The following MEAK7 variants were observed in gnomAD, a reference collection of about 807,000 sequenced individuals.
MEAK7 encodes MTOR-associated protein MEAK7.
MEAK7 carries 68 observed loss-of-function variants against 40.5 expected under a neutral mutation model. The ratio of observed to expected loss-of-function variants is 1.68; its 90% CI spans 1.38 to 2.06. The LOEUF (loss-of-function observed/expected upper bound fraction) is 2.06. Ranked by LOEUF, MEAK7 falls within the 30% of genes most tolerant of loss-of-function variation. The pLI, the probability that MEAK7 is intolerant of heterozygous loss-of-function variation, is 0.00. For missense variants in MEAK7, 918 were observed against 580.5 expected (o/e 1.58, Z -5.98); for synonymous variants, 338 against 231.9 (o/e 1.46, Z -4.16).
chr16:84,479,986 G>C lies in MEAK7; in HGVS notation c.1298C>G (p.Ala433Gly), dbSNP rs199525734. Reference sequence around the variant, plus strand: ...CCCACTGATCTCCAGCAGGGCCTGGGCCTCAGGGTCCGCATCCAGGATGCT... The same window carrying C: ...CCCACTGATCTCCAGCAGGGCCTGGCCCTCAGGGTCCGCATCCAGGATGCT... ...NKSILDADPE[A>G]QALLEISGHS... The change falls in exon 8 of 8, where the codon GCC (alanine) becomes GGC (glycine). Residue 433 changes from alanine (A) to glycine (G), a missense_variant. Physicochemically the swap from Ala to Gly is moderately conservative, Grantham distance 60 (BLOSUM62 0). Coordinates refer to ENST00000343629, the MANE Select transcript of MEAK7 (RefSeq NM_020947.4). 6.2e-7 allele frequency: 1 copy of C among 1,609,298 alleles called. No homozygotes were observed. The highest frequency in any genetic ancestry group is 1.3e-5 in the African/African-American group (1 of 74,898).
intron 5 of MEAK7, chr16:84,486,261 G>A (rs944739830): frequency 1.6e-5 from 3 of 186,644 alleles, no homozygotes; most frequent in Admixed American, 6.6e-5. Flanking sequence ...ACAAGCAAAC[G>A]CGTGGCGGTG....
chr16:84,477,280 C>A lies in MEAK7; in HGVS notation c.*2633G>T, dbSNP rs181093823. 150 of 152,518 alleles carry A rather than the reference C, an allele frequency of 9.8e-4. No individual in the cohort carries two copies. Among genetic ancestry groups the A allele is most frequent in the South Asian group, 1.2e-3 (6 of 4,834 alleles). The allele number at this position is 152,518 out of a possible 1,614,324, so 9.4% of individuals were successfully genotyped here. Reference sequence around the variant, plus strand: ...GATCTCGGCTCACCACAACCTCTGCCTCCCTGGTTCAAGCAATTCTACTAC... The same window carrying A: ...GATCTCGGCTCACCACAACCTCTGCATCCCTGGTTCAAGCAATTCTACTAC... On this transcript the variant is annotated 3_prime_UTR_variant, in exon 8 of 8. Coordinates refer to ENST00000343629, the MANE Select transcript of MEAK7 (RefSeq NM_020947.4).
chr16:84,495,988 G>A (rs79408718), intron 2 of MEAK7, 75 bp from the exon 3 acceptor site: 1 of 1,513,340 alleles, frequency 6.6e-7, no homozygotes, highest in Non-Finnish European at 9.0e-7. Flanking sequence ...TATTATTTTA[G>A]GCAGATAGAG....
chr16:84,499,076 G>A (rs1914287881), intron 1 of MEAK7, among the ~76,000 whole-genome samples: 1 of 152,190 alleles, frequency 6.6e-6, no homozygotes, highest in South Asian at 2.1e-4. Flanking sequence ...CCCGGCCCGT[G>A]AGCCTCATCT....
Position 84,477,175 on chromosome 16 carries a change from G to A in MEAK7, c.*2738C>T, listed in dbSNP as rs1968388. On this transcript the variant is annotated 3_prime_UTR_variant, in exon 8 of 8. Transcript: ENST00000343629. ...CTCCCAAAATGCTGGGATTACAGGCGTGAGCCATCACACCCAGCCTTTTTT... is the reference window on the plus strand; with the variant it reads ...CTCCCAAAATGCTGGGATTACAGGCATGAGCCATCACACCCAGCCTTTTTT... 0.53 allele frequency: 80,868 copies of A among 152,184 alleles called. 22,039 individuals are homozygous for A. Among genetic ancestry groups the A allele is most frequent in the East Asian group, 0.76 (3,939 of 5,152 alleles). 9.4% of individuals were successfully genotyped at this position (152,184 alleles called of 1,614,324 possible). A position where few individuals can be genotyped will look rare whatever the true frequency, so the allele number is the denominator to read the frequency against.
Position 84,480,581 on chromosome 16 carries a change from T to C in MEAK7, c.1205A>G (p.Gln402Arg), listed in dbSNP as rs1912442592. 1.2e-6 allele frequency: 2 copies of C among 1,614,034 alleles called. No homozygotes were observed. The highest frequency in any genetic ancestry group is 4.5e-5 in the East Asian group (2 of 44,880). Residue 402 changes from glutamine to arginine, a missense_variant, in exon 7 of 8, where the codon CAG becomes CGG. Physicochemically the swap from Gln to Arg is conservative, Grantham distance 43. Coordinates refer to ENST00000343629, the MANE Select transcript of MEAK7 (RefSeq NM_020947.4). ...SPQLSAQENF[Q>R]FDKMEVWAVG... Reference sequence around the variant, plus strand: ...CGCCCACACCTCCATCTTATCAAACTGGAAGTTCTCCTGAGCCGACAGCTG... The same window carrying C: ...CGCCCACACCTCCATCTTATCAAACCGGAAGTTCTCCTGAGCCGACAGCTG...
At chr16:84,496,549 C>G (rs530418810) in intron 2 of MEAK7, among the ~76,000 whole-genome samples, 23 of 152,252 alleles carry the variant, frequency 1.5e-4, no homozygotes, top group African/African-American at 5.3e-4. Flanking sequence ...GCATAAGGAC[C>G]AAGAACCCTG....
At chr16:84,480,235 G>C (rs529535896) in intron 7 of MEAK7, among the ~76,000 whole-genome samples, 3 of 152,094 alleles carry the variant, frequency 2.0e-5, no homozygotes, top group Non-Finnish European at 4.4e-5. Flanking sequence ...CCAGGGAAGC[G>C]GAAGGAACCC....
chr16:84,486,376 C>T (rs1178349964), intron 5 of MEAK7: 3 of 1,176,486 alleles, frequency 2.5e-6, no homozygotes, highest in East Asian at 7.1e-5. Flanking sequence ...TCCCACGCCC[C>T]ATAGACCCGG....
intron 1 of MEAK7, among the ~76,000 whole-genome samples, chr16:84,503,427 C>T (rs1160250235): frequency 2.0e-5 from 3 of 152,278 alleles, no homozygotes; most frequent in South Asian, 2.1e-4. Context: ...CTGATCCCCA[C>T]CCTGCTTCCT....
chr16:84,497,870 T>C, intron 2 of MEAK7, 64 bp downstream of exon 2: 2 of 1,604,414 alleles, frequency 1.2e-6, no homozygotes, highest in Non-Finnish European at 1.7e-6. Flanking sequence ...GATTCTGGCC[T>C]GAAAGCCACA....
At position 84,498,041 on chromosome 16, in the gene MEAK7, A is replaced by G; in HGVS notation, c.46T>C (p.Phe16Leu). The G allele has an allele frequency of 6.2e-7, 1 of 1,614,140 alleles. No homozygotes were observed. The highest frequency in any genetic ancestry group is 2.2e-5 in the East Asian group (1 of 44,892). The stretch of plus-strand genomic sequence containing the variant: ...ATCTCTGCCTGTTCCTCAGGAAGAA[A>G]CTGTGAACAAAAGCTCCGCCCCACA... ...SRVGRSFCSQ[F>L]LPEEQAEIDQ... The change falls in exon 2 of 8, where the codon TTT (phenylalanine) becomes CTT (leucine). Residue 16 changes from phenylalanine (F) to leucine (L), a missense_variant. By Grantham distance (22) the Phe-to-Leu change is conservative (BLOSUM62 0). Coordinates refer to ENST00000343629, the MANE Select transcript of MEAK7 (RefSeq NM_020947.4).
chr16:84,498,397 T>C (rs1914232567), intron 1 of MEAK7, among the ~76,000 whole-genome samples: 1 of 151,568 alleles, frequency 6.6e-6, no homozygotes, highest in Admixed American at 6.6e-5. Flanking sequence ...GCCTCCTGAG[T>C]AGCTGGGACT....
chr16:84,489,378 G>C lies in MEAK7; in HGVS notation c.429C>G (p.His143Gln), dbSNP rs759740040. 6.2e-7 allele frequency: 1 copy of C among 1,614,114 alleles called. No individual in the cohort carries two copies. The highest frequency in any genetic ancestry group is 8.5e-7 in the Non-Finnish European group (1 of 1,180,004). ...CAGTCCAGCCTCTCAGCTCCTGTCT[G>C]TGGCTTAGCACGTGCACCACAGAGC... ...LVGSVVHVLS[H>Q]RQELRGWTGK... Residue 143 changes from histidine (H) to glutamine (Q), a missense_variant, in exon 4 of 8, where the codon CAC (histidine) becomes CAG (glutamine). Transcript: ENST00000343629.
intron 1 of MEAK7, among the ~76,000 whole-genome samples, chr16:84,500,850 C>A (rs546097353): frequency 6.6e-6 from 1 of 152,198 alleles, no homozygotes; most frequent in South Asian, 2.1e-4. Context: ...ACTCGAAGAG[C>A]CTGCAAGGTG....
chr16:84,480,634 C>T lies in MEAK7; in HGVS notation c.1152G>A (p.Lys384=), dbSNP rs777255668. 2 of 1,614,090 alleles carry T rather than the reference C, an allele frequency of 1.2e-6. No individual in the cohort carries two copies. Among genetic ancestry groups the T allele is most frequent in the Non-Finnish European group, 1.7e-6 (2 of 1,180,000 alleles). ...VDFGKGHSRA[K]PTCTTYNSPQ... The stretch of plus-strand genomic sequence containing the variant: ...GGCTGTTGTACGTGGTGCACGTGGG[C>T]TTGGCTCTGCTGTGTCCTTTCCCAA... Residue 384 remains lysine (K), a synonymous_variant, in exon 7 of 8, where the codon AAG becomes AAA. Transcript: ENST00000343629.
At chr16:84,485,181 G>A (rs765746449) in intron 5 of MEAK7, among the ~76,000 whole-genome samples, 2 of 152,224 alleles carry the variant, frequency 1.3e-5, no homozygotes, top group Non-Finnish European at 2.9e-5. Flanking sequence ...CCGTGGCAAG[G>A]CTGAGGCTGC....
chr16:84,499,379 C>A (rs1169412814), intron 1 of MEAK7, among the ~76,000 whole-genome samples: 1 of 152,120 alleles, frequency 6.6e-6, no homozygotes, highest in Non-Finnish European at 1.5e-5. Flanking sequence ...AAAGTCACTG[C>A]AGCAGTAAAC....
chr16:84,495,205 G>A (rs755710447), intron 3 of MEAK7, among the ~76,000 whole-genome samples: 12 of 152,156 alleles, frequency 7.9e-5, no homozygotes, highest in Non-Finnish European at 1.6e-4. Context: ...AGAGGCAGAG[G>A]TTGCAGTGAG....
Sources: gnomAD v4.1 joint callset for allele counts (sites outside exome capture counted in the v4.1 genomes callset) on GRCh38, gnomAD v4.1.1 for gene constraint, MANE v1.5 for transcripts, NCBI Gene and HGNC (gene_info 2026-07-23, HGNC 2026-07-21) for gene names.